NALF1: variants seen among roughly 807,000 people sequenced by gnomAD.
NALF1 encodes family with sequence similarity 155 member A.
Under a neutral mutation model 48.4 loss-of-function variants are expected in NALF1, and 3 were observed. The observed-to-expected ratio is 0.06, with a 90% CI of 0.03 to 0.16. The LOEUF (loss-of-function observed/expected upper bound fraction) is 0.16, where lower values mean the gene tolerates loss of function less well. NALF1 is among the 10% of genes least tolerant of loss of function. The pLI is 1.00. For synonymous variants in NALF1, 262 were observed against 245.7 expected, an observed-to-expected ratio of 1.07 and a Z score of -0.62; for missense variants, 526 against 571.5, an observed-to-expected ratio of 0.92 and a Z score of 0.81.
At chr13:107,688,291 A>T (rs1170740744) in intron 1 of NALF1, among the ~76,000 whole-genome samples, 1 of 152,134 alleles carries the variant, frequency 6.6e-6, no homozygotes, top group African/African-American at 2.4e-5. Flanking sequence ...TAGGAAGCAG[A>T]CCCCAGAGTT....
At chr13:107,843,882 A>C (rs1880104845) in intron 1 of NALF1, among the ~76,000 whole-genome samples, 2 of 152,146 alleles carry the variant, frequency 1.3e-5, no homozygotes, top group South Asian at 2.1e-4. Context: ...GCTAATGATA[A>C]AAAATTATAT....
chr13:107,786,254 T>C (rs538688001), intron 1 of NALF1, among the ~76,000 whole-genome samples: 57 of 151,568 alleles, frequency 3.8e-4, no homozygotes, highest in Middle Eastern at 6.8e-3. Flanking sequence ...CCATCTCTAC[T>C]AAAAATACAA....
intron 2 of NALF1, among the ~76,000 whole-genome samples, chr13:107,194,036 C>G (rs1286719613): frequency 2.1e-5 from 3 of 146,184 alleles, no homozygotes; most frequent in African/African-American, 5.5e-5. Flanking sequence ...ATCTATCTAT[C>G]TATCTATCTA....
At chr13:107,373,911 T>C (rs1883291919) in intron 1 of NALF1, among the ~76,000 whole-genome samples, 1 of 152,206 alleles carries the variant, frequency 6.6e-6, no homozygotes. Context: ...GAAAAAATTA[T>C]GAGACTGCCC....
intron 1 of NALF1, among the ~76,000 whole-genome samples, chr13:107,734,435 G>A (rs998957089): frequency 3.3e-5 from 5 of 150,160 alleles, no homozygotes; most frequent in African/African-American, 1.2e-4. Flanking sequence ...CACACACAAT[G>A]GAATTAAGGA....
intron 1 of NALF1, among the ~76,000 whole-genome samples, chr13:107,588,253 A>C (rs1878511628): frequency 6.6e-6 from 1 of 152,160 alleles, no homozygotes; most frequent in Non-Finnish European, 1.5e-5. Flanking sequence ...TTAGTTTATC[A>C]AATAAGTTAG....
At chr13:107,754,140 A>G (rs888693787) in intron 1 of NALF1, among the ~76,000 whole-genome samples, 2 of 152,200 alleles carry the variant, frequency 1.3e-5, no homozygotes, top group Non-Finnish European at 2.9e-5. Context: ...GTCGTCAGAT[A>G]GGAACTCTTT....
intron 1 of NALF1, among the ~76,000 whole-genome samples, chr13:107,603,069 CTT>C (rs1324405176): frequency 6.6e-6 from 1 of 152,062 alleles, no homozygotes; most frequent in African/African-American, 2.4e-5. Context: ...ATTAAAATTT[CTT>C]TTTATGAAAA....
chr13:107,604,351 C>T lies in NALF1; in HGVS notation c.915+261331G>A, dbSNP rs11838419. Among the ~76,000 whole-genome samples the T allele has an allele frequency of 6.7e-3, 1,026 of 152,106 alleles. 20 individuals are homozygous for T. Among genetic ancestry groups the T allele is most frequent in the African/African-American group, 0.024 (993 of 41,466 alleles). Reference sequence around the variant, plus strand: ...TCTACATTTAGAATTCAGTCTTTTTCCCCCTTTCTTTCTAAGGAATTTAGA... The same window carrying T: ...TCTACATTTAGAATTCAGTCTTTTTTCCCCTTTCTTTCTAAGGAATTTAGA... On this transcript the variant is annotated intron_variant, in intron 1 of 2. Transcript: ENST00000375915.
Position 107,752,116 on chromosome 13 carries a change from T to C in NALF1, c.915+113566A>G, listed in dbSNP as rs566945092. 3.9e-5 allele frequency among the ~76,000 whole-genome samples: 6 copies of C among 152,172 alleles called. No individual in the cohort carries two copies. In the South Asian group the frequency reaches 1.0e-3, roughly 26 times the overall value. Reference sequence around the variant, plus strand: ...ATTAAATAATTTAAAAGTAGTAACATATTGGCATGTCAGATGCCTTGCCTA... The same window carrying C: ...ATTAAATAATTTAAAAGTAGTAACACATTGGCATGTCAGATGCCTTGCCTA... On this transcript the variant is annotated intron_variant, in intron 1 of 2. Coordinates refer to ENST00000375915, the MANE Select transcript of NALF1 (RefSeq NM_001080396.3).
chr13:107,676,093 C>A (rs1421667479), intron 1 of NALF1, among the ~76,000 whole-genome samples: 1 of 152,144 alleles, frequency 6.6e-6, no homozygotes, highest in Non-Finnish European at 1.5e-5. Flanking sequence ...AAAACAAGAG[C>A]CCTAGAAAAA....
At chr13:107,337,507 C>T (rs1566488879) in intron 1 of NALF1, among the ~76,000 whole-genome samples, 2 of 152,024 alleles carry the variant, frequency 1.3e-5, no homozygotes, top group African/African-American at 2.4e-5. Flanking sequence ...AATGTGTCCC[C>T]TGAGTGCCAT....
intron 1 of NALF1, among the ~76,000 whole-genome samples, chr13:107,486,349 C>T (rs1026147685): frequency 6.6e-6 from 1 of 152,142 alleles, no homozygotes; most frequent in African/African-American, 2.4e-5. Flanking sequence ...AAGACCTTCA[C>T]TTTTTAGCTG....
At chr13:107,853,711 C>T (rs1157511785) in intron 1 of NALF1, among the ~76,000 whole-genome samples, 1 of 152,082 alleles carries the variant, frequency 6.6e-6, no homozygotes, top group Non-Finnish European at 1.5e-5. Context: ...ATAGACTTTC[C>T]TAATGTTCCA....
chr13:107,271,774 CTATATATATATATATATA>C lies in NALF1; in HGVS notation c.916-61037_916-61020del, dbSNP rs397838456. Among the ~76,000 whole-genome samples the C allele has an allele frequency of 6.9e-4, 19 of 27,622 alleles. 1 individual carries two copies. Among genetic ancestry groups the C allele is most frequent in the African/African-American group, 1.6e-3 (17 of 10,344 alleles). The allele number at this position is 27,622 out of a possible 152,430, so 18.1% of individuals were successfully genotyped here. A position where few individuals can be genotyped will look rare whatever the true frequency, so the allele number is the denominator to read the frequency against. On this transcript the variant is annotated intron_variant, in intron 1 of 2. Transcript: ENST00000375915. ...TTCCTTCTCCTCTTTTGCTACTGGACTATATATATATATATATATATATATATATATATATATATATAT... is the reference window on the plus strand; with the variant it reads ...TTCCTTCTCCTCTTTTGCTACTGGACTATATATATATATATATATATATAT...
At chr13:107,755,354 T>G (rs1317329175) in intron 1 of NALF1, among the ~76,000 whole-genome samples, 2 of 152,082 alleles carry the variant, frequency 1.3e-5, no homozygotes, top group East Asian at 3.9e-4. Flanking sequence ...CCTCTTAATT[T>G]TTGGTGTCCT....
At chr13:107,716,805 T>C (rs1321051864) in intron 1 of NALF1, among the ~76,000 whole-genome samples, 1 of 152,164 alleles carries the variant, frequency 6.6e-6, no homozygotes, top group Non-Finnish European at 1.5e-5. Flanking sequence ...CACCAACTCT[T>C]GTTACTGACG....
chr13:107,801,478 T>C (rs1056017972), intron 1 of NALF1, among the ~76,000 whole-genome samples: 2 of 152,168 alleles, frequency 1.3e-5, no homozygotes, highest in African/African-American at 4.8e-5. Context: ...GTGGTGTTCT[T>C]ATATATGAGA....
At chr13:107,474,404 C>T (rs926708113) in intron 1 of NALF1, among the ~76,000 whole-genome samples, 137 of 152,270 alleles carry the variant, frequency 9.0e-4, no homozygotes, top group African/African-American at 2.8e-3. Context: ...TTGGAATAAG[C>T]TGGATTTCTA....
Sources: gnomAD v4.1 joint callset for allele counts (sites outside exome capture counted in the v4.1 genomes callset) on GRCh38, gnomAD v4.1.1 for gene constraint, MANE v1.5 for transcripts, NCBI Gene and HGNC (gene_info 2026-07-23, HGNC 2026-07-21) for gene names.